Variants in NELL1 observed in about 807,000 individuals in gnomAD.
NELL1 encodes the protein protein kinase C-binding protein NELL1.
In NELL1, 76 loss-of-function variants were observed where a neutral mutation model predicts 107.4. The observed-to-expected ratio is 0.71, with a 90% CI of 0.59 to 0.86. The LOEUF (loss-of-function observed/expected upper bound fraction) is 0.86, where lower values mean the gene tolerates loss of function less well. NELL1 is among the 40% of genes least tolerant of loss of function. The pLI is 0.00. For synonymous variants in NELL1, 353 were observed against 341.2 expected (o/e 1.03, Z -0.38); for missense variants, 1,024 against 1,005.5 (o/e 1.02, Z -0.25).
chr11:21,483,497 A>G (rs911585949), intron 15 of NELL1, among the ~76,000 whole-genome samples: 4 of 152,090 alleles, frequency 2.6e-5, no homozygotes, highest in African/African-American at 4.8e-5. Context: ...TAATATTGTC[A>G]TTGTCTGAAT....
chr11:21,523,916 T>A (rs1393302607), intron 15 of NELL1, among the ~76,000 whole-genome samples: 2 of 152,142 alleles, frequency 1.3e-5, no homozygotes, highest in Admixed American at 6.5e-5. Flanking sequence ...TGAGAACATA[T>A]ATACATACGT....
intron 14 of NELL1, among the ~76,000 whole-genome samples, chr11:21,279,431 A>G (rs1339304152): frequency 6.6e-6 from 1 of 152,206 alleles, no homozygotes; most frequent in Non-Finnish European, 1.5e-5. Context: ...AAGCAAATGA[A>G]CAACCTGATT....
At chr11:21,354,330 G>A (rs1044834727) in intron 14 of NELL1, among the ~76,000 whole-genome samples, 1 of 152,042 alleles carries the variant, frequency 6.6e-6, no homozygotes, top group Non-Finnish European at 1.5e-5. Context: ...TTTATTGTTT[G>A]TATTATTCCT....
intron 2 of NELL1, among the ~76,000 whole-genome samples, chr11:20,739,198 C>A (rs537138997): frequency 2.0e-5 from 3 of 152,328 alleles, no homozygotes; most frequent in South Asian, 4.1e-4. Context: ...AACACGGCAA[C>A]GTTGATCAGC....
At chr11:20,976,952 A>AT (rs59290283) in intron 12 of NELL1, among the ~76,000 whole-genome samples, 7,868 of 146,996 alleles carry the variant, frequency 0.054, 209 homozygotes, top group East Asian at 0.085. Flanking sequence ...CTGTGTGCAA[A>AT]TTTTTTTTTT....
chr11:20,718,510 G>A (rs1855305495), intron 2 of NELL1, among the ~76,000 whole-genome samples: 1 of 150,986 alleles, frequency 6.6e-6, no homozygotes, highest in South Asian at 2.1e-4. Context: ...TTCTTTCACT[G>A]AGCATCAGCT....
chr11:20,777,714 G>T (rs1856776475), intron 2 of NELL1, among the ~76,000 whole-genome samples: 1 of 152,212 alleles, frequency 6.6e-6, no homozygotes, highest in Non-Finnish European at 1.5e-5. Context: ...AGAAGGTTGT[G>T]GCCTGTCTAT....
chr11:21,255,831 A>G (rs1043808898), intron 14 of NELL1, among the ~76,000 whole-genome samples: 1 of 151,988 alleles, frequency 6.6e-6, no homozygotes, highest in Non-Finnish European at 1.5e-5. Context: ...CTAATGGGGA[A>G]CACCTCTTGC....
chr11:21,247,577 A>C (rs1419403884), intron 14 of NELL1, among the ~76,000 whole-genome samples: 1 of 152,210 alleles, frequency 6.6e-6, no homozygotes, highest in Non-Finnish European at 1.5e-5. Context: ...TGGAGGTGTC[A>C]TCTCCAATGG....
intron 13 of NELL1, among the ~76,000 whole-genome samples, chr11:21,188,271 G>T (rs1239565651): frequency 6.6e-6 from 1 of 151,810 alleles, no homozygotes; most frequent in Non-Finnish European, 1.5e-5. Flanking sequence ...TGTGCCTGGG[G>T]CTGGGACAGT....
chr11:20,995,089 C>A (rs1052437155), intron 12 of NELL1, among the ~76,000 whole-genome samples: 11 of 151,752 alleles, frequency 7.2e-5, no homozygotes, highest in African/African-American at 2.4e-4. Context: ...TTGCAAGCTT[C>A]AAAAGGAGGC....
intron 13 of NELL1, among the ~76,000 whole-genome samples, chr11:21,228,714 A>AT: frequency 2.1e-4 from 1 of 4,662 alleles, no homozygotes; most frequent in African/African-American, 9.1e-4. Context: ...CTCCCCTCCC[A>AT]CCCCTCCTTC....
At chr11:21,398,472 T>C (rs1270068743) in intron 15 of NELL1, among the ~76,000 whole-genome samples, 4 of 151,730 alleles carry the variant, frequency 2.6e-5, no homozygotes, top group East Asian at 3.9e-4. Context: ...GTAGACACTT[T>C]TGTCTTGGTG....
At chr11:21,009,097 C>T (rs560950310) in intron 12 of NELL1, among the ~76,000 whole-genome samples, 1 of 152,198 alleles carries the variant, frequency 6.6e-6, no homozygotes, top group East Asian at 1.9e-4. Context: ...TGTTGTGCTG[C>T]AATTTACTGT....
At chr11:20,741,323 C>A (rs994524787) in intron 2 of NELL1, among the ~76,000 whole-genome samples, 2 of 152,080 alleles carry the variant, frequency 1.3e-5, no homozygotes, top group Non-Finnish European at 2.9e-5. Flanking sequence ...AGACCCCGGG[C>A]TTATGCTATT....
At chr11:21,346,471 T>C (rs1320657772) in intron 14 of NELL1, among the ~76,000 whole-genome samples, 1 of 149,968 alleles carries the variant, frequency 6.7e-6, no homozygotes, top group African/African-American at 2.4e-5. Flanking sequence ...CTGAAATAAA[T>C]TATATCAATA....
chr11:20,740,747 TCTA>T (rs1236997775), intron 2 of NELL1, among the ~76,000 whole-genome samples: 1 of 152,212 alleles, frequency 6.6e-6, no homozygotes, highest in Non-Finnish European at 1.5e-5. Flanking sequence ...GAAATTCAAA[TCTA>T]CTTTTTCTAA....
At chr11:20,878,358 CAAAA>C (rs58962461) in intron 4 of NELL1, among the ~76,000 whole-genome samples, 2 of 95,766 alleles carry the variant, frequency 2.1e-5, no homozygotes, top group African/African-American at 3.6e-5. Flanking sequence ...GACCCCGTCT[CAAAA>C]AAAAAAAAAA....
At chr11:20,887,559 T>C (rs1849535608) in intron 5 of NELL1, among the ~76,000 whole-genome samples, 1 of 152,136 alleles carries the variant, frequency 6.6e-6, no homozygotes, top group Non-Finnish European at 1.5e-5. Flanking sequence ...AGTGTTGGAA[T>C]GGAAATTTTT....
Sources: allele counts gnomAD v4.1 joint callset (sites outside exome capture counted in the v4.1 genomes callset), GRCh38; gene constraint gnomAD v4.1.1; transcripts MANE v1.5; gene names NCBI Gene and HGNC (gene_info 2026-07-23, HGNC 2026-07-21).